The following CRTC3 variants were observed in gnomAD, a reference collection of about 807,000 sequenced individuals.
The protein encoded by CRTC3 is CREB regulated transcription coactivator 3.
Under a neutral mutation model 74.5 loss-of-function variants are expected in CRTC3, and 26 were observed. The observed-to-expected ratio is 0.35, with a 90% CI of 0.26 to 0.48. CRTC3 has a LOEUF of 0.48. CRTC3 is among the 20% of genes least tolerant of loss of function. CRTC3 has a pLI of 0.99. For synonymous variants in CRTC3, 377 were observed against 325.8 expected, an observed-to-expected ratio of 1.16 and a Z score of -1.69; for missense variants, 760 against 787.3, an observed-to-expected ratio of 0.97 and a Z score of 0.41.
At chr15:90,616,344 TAATTC>T (rs1968495316) in intron 7 of CRTC3, among the ~76,000 whole-genome samples, 1 of 152,206 alleles carries the variant, frequency 6.6e-6, no homozygotes, top group South Asian at 2.1e-4. Context: ...TACCCATACT[TAATTC>T]ATTCTAGAAG....
chr15:90,641,031 G>A, intron 13 of CRTC3, 66 bp from the exon 14 acceptor site: 1 of 1,024,154 alleles, frequency 9.8e-7, no homozygotes, highest in Non-Finnish European at 1.5e-6. Flanking sequence ...GGAGCACATT[G>A]CAATACTCAC....
chr15:90,551,926 A>G (rs994925306), intron 2 of CRTC3, among the ~76,000 whole-genome samples: 7 of 95,532 alleles, frequency 7.3e-5, no homozygotes, highest in South Asian at 2.9e-4. Flanking sequence ...TACATTACAC[A>G]CACGCACACA....
intron 10 of CRTC3, among the ~76,000 whole-genome samples, chr15:90,627,014 T>C (rs1968860650): frequency 6.6e-6 from 1 of 152,210 alleles, no homozygotes; most frequent in Non-Finnish European, 1.5e-5. Flanking sequence ...TTGTGGAGCA[T>C]TTCATTTGGA....
In CRTC3 at chr15:90,642,002, C is replaced by G. The variant is rs772940186; in HGVS notation, c.1722C>G (p.Asn574Lys). 6.2e-7 allele frequency: 1 copy of G among 1,613,760 alleles called. No individual in the cohort carries two copies. The highest frequency in any genetic ancestry group is 1.7e-5 in the Admixed American group (1 of 60,008). Residue 574 changes from asparagine to lysine, a missense_variant, in exon 15 of 15, where the codon AAC (asparagine) becomes AAG (lysine). Around this residue, in one of 2 missense-constraint regions of CRTC3, gnomAD observed 652 missense variants for 635.2 expected, o/e 1.03. Transcript: ENST00000268184. ...CAGGCCTGCCTGAGGTCAGCCTGAACGTGGACACTCCATTTCCACTGGAAG... is the reference window on the plus strand; with the variant it reads ...CAGGCCTGCCTGAGGTCAGCCTGAAGGTGGACACTCCATTTCCACTGGAAG... ...ALAGLPEVSL[N>K]VDTPFPLEEE...
intron 1 of CRTC3, among the ~76,000 whole-genome samples, chr15:90,536,602 C>T (rs536203640): frequency 2.0e-5 from 3 of 152,198 alleles, no homozygotes; most frequent in East Asian, 3.9e-4. Context: ...GGATTGTAAT[C>T]GTGTTGGCTA....
At chr15:90,580,794 G>A (rs1967521945) in intron 2 of CRTC3, among the ~76,000 whole-genome samples, 1 of 152,024 alleles carries the variant, frequency 6.6e-6, no homozygotes, top group African/African-American at 2.4e-5. Flanking sequence ...CAAGCGCCCA[G>A]ATCCAGTTAT....
At chr15:90,628,149 G>A (rs1171783117) in intron 10 of CRTC3, among the ~76,000 whole-genome samples, 10 of 151,422 alleles carry the variant, frequency 6.6e-5, no homozygotes, top group Non-Finnish European at 8.8e-5. Flanking sequence ...CCCGGGAGAC[G>A]GAGCTTGCAG....
intron 2 of CRTC3, among the ~76,000 whole-genome samples, chr15:90,566,955 C>T (rs1463393815): frequency 6.6e-6 from 1 of 152,110 alleles, no homozygotes; most frequent in African/African-American, 2.4e-5. Flanking sequence ...AGGTAACTCA[C>T]CCTTCTTGGC....
At position 90,601,750 on chromosome 15, in the gene CRTC3, G is replaced by T. The variant is rs548631831; in HGVS notation, c.352-574G>T. Among the ~76,000 whole-genome samples, 19 of 152,258 alleles carry T rather than the reference G, an allele frequency of 1.2e-4. No homozygotes were observed. In the South Asian group the frequency reaches 3.9e-3, roughly 32 times the overall value. On this transcript the variant is annotated intron_variant, in intron 3 of 14. Transcript: ENST00000268184. ...GGAAGCCCAAGGGCTAGATCCAAGG[G>T]GTCATACAATGTCATTGAGACCTAC...
At chr15:90,543,923 G>A (rs1303438455) in intron 2 of CRTC3, among the ~76,000 whole-genome samples, 1 of 151,950 alleles carries the variant, frequency 6.6e-6, no homozygotes, top group Admixed American at 6.6e-5. Flanking sequence ...CTCTTCCAGT[G>A]TCCTATTAGT....
chr15:90,543,838 G>A (rs1308523185), intron 2 of CRTC3, among the ~76,000 whole-genome samples: 1 of 152,056 alleles, frequency 6.6e-6, no homozygotes, highest in Non-Finnish European at 1.5e-5. Context: ...ACCCCAAAAG[G>A]TTCCCTTGTG....
chr15:90,589,767 A>G (rs781188984), intron 2 of CRTC3, among the ~76,000 whole-genome samples: 1 of 152,278 alleles, frequency 6.6e-6, no homozygotes, highest in Non-Finnish European at 1.5e-5. Flanking sequence ...CATGTGGATC[A>G]CTTGAGGTCA....
At chr15:90,596,692 G>T (rs541435447) in intron 3 of CRTC3, among the ~76,000 whole-genome samples, 1 of 152,296 alleles carries the variant, frequency 6.6e-6, no homozygotes, top group Non-Finnish European at 1.5e-5. Flanking sequence ...GAGGAGGAGG[G>T]CTGTGATTCC....
chr15:90,588,257 C>T (rs1419983610), intron 2 of CRTC3, among the ~76,000 whole-genome samples: 1 of 72,338 alleles, frequency 1.4e-5, no homozygotes, highest in Non-Finnish European at 3.6e-5. Flanking sequence ...GCGACTCTGT[C>T]TCAAAAAAAA....
intron 11 of CRTC3, among the ~76,000 whole-genome samples, chr15:90,633,924 C>CTGAG (rs921416190): frequency 2.0e-5 from 3 of 151,802 alleles, no homozygotes; most frequent in African/African-American, 7.3e-5. Flanking sequence ...TTTTTGTTCT[C>CTGAG]TGAGTGTTCT....
At chr15:90,636,521 C>T (rs1371826794) in intron 11 of CRTC3, among the ~76,000 whole-genome samples, 1 of 151,618 alleles carries the variant, frequency 6.6e-6, no homozygotes, top group Non-Finnish European at 1.5e-5. Flanking sequence ...TCTAAAACAC[C>T]AAAAGCAATG....
At chr15:90,628,778 C>A (rs1348931819) in intron 10 of CRTC3, among the ~76,000 whole-genome samples, 1 of 152,008 alleles carries the variant, frequency 6.6e-6, no homozygotes, top group Admixed American at 6.6e-5. Flanking sequence ...ACCACCAAGA[C>A]AGCTCCCCAA....
At chr15:90,599,523 G>C (rs1243941350) in intron 3 of CRTC3, 1 of 152,192 alleles carries the variant, frequency 6.6e-6, no homozygotes, top group Non-Finnish European at 1.5e-5. Context: ...ACTTCTTCTA[G>C]ATTTTCCTTG....
intron 2 of CRTC3, among the ~76,000 whole-genome samples, chr15:90,590,560 A>G (rs1402048722): frequency 6.6e-6 from 1 of 152,004 alleles, no homozygotes; most frequent in Non-Finnish European, 1.5e-5. Context: ...GGGTTTTGCC[A>G]TGTTGCCCAG....
Sources: gnomAD v4.1 joint callset for allele counts (sites outside exome capture counted in the v4.1 genomes callset) on GRCh38, gnomAD v4.1.1 for gene constraint, gnomAD v4.1.1 regional missense constraint, MANE v1.5 for transcripts, NCBI Gene and HGNC (gene_info 2026-07-23, HGNC 2026-07-21) for gene names.